Variants in HEMK2 observed in about 807,000 individuals in gnomAD.
The protein encoded by HEMK2 is HemK methyltransferase 2, ETF1 glutamine and histone H4 lysine, also known as methyltransferase HEMK2.
At chr21:28,597,605 T>C in the HEMK2 span, among the ~76,000 whole-genome samples, 3 of 152,214 alleles carry the variant, frequency 2.0e-5, no homozygotes, top group South Asian at 4.1e-4. Context: ...AGTTTGGAAA[T>C]GGAGAAGAAA....
the HEMK2 span, among the ~76,000 whole-genome samples, chr21:28,629,351 A>G: frequency 6.6e-6 from 1 of 152,228 alleles, no homozygotes. Context: ...GTTATAAATA[A>G]GTGGGCCTAG....
chr21:28,763,985 C>T, the HEMK2 span, among the ~76,000 whole-genome samples: 1 of 152,248 alleles, frequency 6.6e-6, no homozygotes, highest in Admixed American at 6.5e-5. Flanking sequence ...CACAACAACT[C>T]TGAAGCATGT....
chr21:28,596,869 G>A, the HEMK2 span, among the ~76,000 whole-genome samples: 1,546 of 152,152 alleles, frequency 0.01, 31 homozygotes, highest in African/African-American at 0.035. Context: ...AATACTCCTG[G>A]AAGTTAATAG....
At chr21:28,838,266 G>A in the HEMK2 span, among the ~76,000 whole-genome samples, 1 of 152,150 alleles carries the variant, frequency 6.6e-6, no homozygotes, top group Admixed American at 6.5e-5. Flanking sequence ...CGGGTGCGGT[G>A]GCTCACACCT....
the HEMK2 span, among the ~76,000 whole-genome samples, chr21:28,678,406 A>G: frequency 6.6e-6 from 1 of 152,204 alleles, no homozygotes. Flanking sequence ...AAAAGACCAA[A>G]TCTACGTCTG....
At chr21:28,682,197 A>G in the HEMK2 span, among the ~76,000 whole-genome samples, 2 of 152,200 alleles carry the variant, frequency 1.3e-5, no homozygotes, top group African/African-American at 4.8e-5. Context: ...ACTCAAACAA[A>G]TTTACAAGAA....
At chr21:28,724,014 T>C in the HEMK2 span, among the ~76,000 whole-genome samples, 1 of 152,118 alleles carries the variant, frequency 6.6e-6, no homozygotes, top group Non-Finnish European at 1.5e-5. Flanking sequence ...GTATTAAGAG[T>C]TGCTTTCATC....
At chr21:28,843,218 G>C in the HEMK2 span, among the ~76,000 whole-genome samples, 1 of 152,066 alleles carries the variant, frequency 6.6e-6, no homozygotes, top group Non-Finnish European at 1.5e-5. Context: ...TATAAAGATA[G>C]TACCTGAGAC....
chr21:28,825,645 A>G, the HEMK2 span, among the ~76,000 whole-genome samples: 1 of 152,242 alleles, frequency 6.6e-6, no homozygotes, highest in African/African-American at 2.4e-5. Flanking sequence ...TGTTGGCCTT[A>G]GGAACAAGGC....
At chr21:28,826,897 C>A in the HEMK2 span, among the ~76,000 whole-genome samples, 3 of 152,092 alleles carry the variant, frequency 2.0e-5, no homozygotes, top group African/African-American at 4.8e-5. Context: ...ATGCAAGTAC[C>A]CTATGTCCTT....
At chr21:28,762,646 G>C in the HEMK2 span, among the ~76,000 whole-genome samples, 1 of 152,106 alleles carries the variant, frequency 6.6e-6, no homozygotes, top group Non-Finnish European at 1.5e-5. Context: ...AGGAGTAGTG[G>C]AATAATGTTG....
At chr21:28,610,908 C>G in the HEMK2 span, among the ~76,000 whole-genome samples, 4 of 152,088 alleles carry the variant, frequency 2.6e-5, no homozygotes, top group Admixed American at 2.0e-4. Context: ...ACAATTACTA[C>G]TAGGCCTAAG....
the HEMK2 span, among the ~76,000 whole-genome samples, chr21:28,754,141 G>C: frequency 6.6e-6 from 1 of 152,186 alleles, no homozygotes; most frequent in Non-Finnish European, 1.5e-5. Context: ...ATGCCAGAGA[G>C]GCCCAAGGGC....
chr21:28,624,762 G>C, the HEMK2 span, among the ~76,000 whole-genome samples: 2 of 152,172 alleles, frequency 1.3e-5, no homozygotes, highest in Non-Finnish European at 2.9e-5. Flanking sequence ...AGGAACCCAA[G>C]GCAGAAAGCC....
At chr21:28,645,778 C>T in the HEMK2 span, among the ~76,000 whole-genome samples, 5 of 152,128 alleles carry the variant, frequency 3.3e-5, no homozygotes, top group African/African-American at 9.7e-5. Context: ...CATGTGAGGA[C>T]ACAAGTAGAA....
At chr21:28,814,737 G>C in the HEMK2 span, among the ~76,000 whole-genome samples, 1 of 152,092 alleles carries the variant, frequency 6.6e-6, no homozygotes, top group African/African-American at 2.4e-5. Flanking sequence ...AACAACAGGT[G>C]CTGGAGAGGA....
chr21:28,863,533 ACT>A, the HEMK2 span, among the ~76,000 whole-genome samples: 1 of 145,754 alleles, frequency 6.9e-6, no homozygotes, highest in Non-Finnish European at 1.5e-5. Flanking sequence ...ACTGTATTCT[ACT>A]ACAAGGCTTT....
chr21:28,760,082 T>G, the HEMK2 span, among the ~76,000 whole-genome samples: 51 of 152,260 alleles, frequency 3.3e-4, no homozygotes, highest in African/African-American at 1.2e-3. Flanking sequence ...ATGTATAAAA[T>G]CTCACAATGC....
the HEMK2 span, among the ~76,000 whole-genome samples, chr21:28,690,581 C>T: frequency 1.3e-5 from 2 of 152,078 alleles, no homozygotes; most frequent in Admixed American, 1.3e-4. Flanking sequence ...CCTTGACATC[C>T]TCACCTGAAC....
Sources: gnomAD v4.1 joint callset for allele counts (sites outside exome capture counted in the v4.1 genomes callset) on GRCh38, gnomAD v4.1.1 for gene constraint, MANE v1.5 for transcripts, NCBI Gene and HGNC (gene_info 2026-07-23, HGNC 2026-07-21) for gene names.